The following FHIT variants were observed in gnomAD, a reference collection of about 807,000 sequenced individuals.
FHIT encodes the protein fragile histidine triad diadenosine triphosphatase.
Under a neutral mutation model 17.9 loss-of-function variants are expected in FHIT, and 19 were observed. That is an observed-to-expected ratio of 1.06 (90% confidence interval 0.74 to 1.56). The LOEUF is 1.56. Among genes scored for constraint, FHIT ranks in the 40% most tolerant of loss-of-function variants. The pLI, the probability that FHIT is intolerant of heterozygous loss-of-function variation, is 0.00. For synonymous variants in FHIT, 81 were observed against 69.7 expected, an observed-to-expected ratio of 1.16 and a Z score of -0.81; for missense variants, 248 against 189.2, an observed-to-expected ratio of 1.31 and a Z score of -1.82.
intron 5 of FHIT, among the ~76,000 whole-genome samples, chr3:60,108,908 C>T (rs921117025): frequency 6.6e-6 from 1 of 152,116 alleles, no homozygotes; most frequent in Non-Finnish European, 1.5e-5. Context: ...AGTGATCTGC[C>T]CACTTCAACC....
chr3:61,103,910 A>G (rs1432807909), intron 2 of FHIT, among the ~76,000 whole-genome samples: 1 of 125,208 alleles, frequency 8.0e-6, no homozygotes, highest in Non-Finnish European at 1.7e-5. Flanking sequence ...TTTTCTTTCC[A>G]TTTGTTTGGT....
chr3:60,086,853 A>ACTG (rs921314729), intron 5 of FHIT, among the ~76,000 whole-genome samples: 3 of 152,072 alleles, frequency 2.0e-5, no homozygotes, highest in Non-Finnish European at 4.4e-5. Context: ...GAGGTTACAC[A>ACTG]CTGCTGCTGC....
intron 7 of FHIT, among the ~76,000 whole-genome samples, chr3:59,993,393 A>C (rs1018584532): frequency 6.6e-6 from 1 of 152,086 alleles, no homozygotes; most frequent in East Asian, 1.9e-4. Context: ...CTGTATTAAA[A>C]CAGTGGTATG....
chr3:60,208,387 AATTC>A (rs1224200479), intron 5 of FHIT, among the ~76,000 whole-genome samples: 26 of 152,338 alleles, frequency 1.7e-4, no homozygotes, highest in Admixed American at 4.6e-4. Flanking sequence ...CCAAATTGTA[AATTC>A]ATTTTCTGAA....
chr3:60,565,907 A>G (rs1221914456), intron 4 of FHIT, among the ~76,000 whole-genome samples: 1 of 152,098 alleles, frequency 6.6e-6, no homozygotes, highest in Non-Finnish European at 1.5e-5. Flanking sequence ...TAGTGCTATA[A>G]ATTTCCCTCT....
intron 4 of FHIT, among the ~76,000 whole-genome samples, chr3:60,687,088 T>C (rs1735452): frequency 0.92 from 139,935 of 152,320 alleles, 64,344 homozygotes; most frequent in Non-Finnish European, 0.94. Context: ...ATATTTACAA[T>C]GTTAACGTTA....
In FHIT at chr3:60,484,242, C is replaced by G. The variant is rs186129684; in HGVS notation, c.103+52618G>C. ...AATCAGTATCATGAAAATGGCCATA[C>G]TGCCCAAAGTAATTTACAGATTCAA... On this transcript the variant is annotated intron_variant, in intron 5 of 9. Transcript: ENST00000492590. Among the ~76,000 whole-genome samples the G allele has an allele frequency of 4.2e-4, 64 of 152,348 alleles. 1 individual carries two copies. The East Asian group carries it at 0.012, about 28-fold the overall frequency.
chr3:60,311,084 C>G (rs1471912349), intron 5 of FHIT, among the ~76,000 whole-genome samples: 1 of 152,106 alleles, frequency 6.6e-6, no homozygotes, highest in Admixed American at 6.6e-5. Flanking sequence ...GTCAATTAAC[C>G]CAACGTCATC....
intron 4 of FHIT, among the ~76,000 whole-genome samples, chr3:60,753,127 G>T (rs574999422): frequency 6.6e-6 from 1 of 152,272 alleles, no homozygotes; most frequent in East Asian, 1.9e-4. Context: ...AAGGTGAGTT[G>T]CAGGCATTCA....
intron 5 of FHIT, among the ~76,000 whole-genome samples, chr3:60,474,125 C>T (rs2107456049): frequency 6.6e-6 from 1 of 152,234 alleles, no homozygotes; most frequent in South Asian, 2.1e-4. Flanking sequence ...TCTGCTTACC[C>T]AGCAATCAAG....
intron 5 of FHIT, among the ~76,000 whole-genome samples, chr3:60,060,636 T>C (rs889094412): frequency 3.3e-5 from 5 of 152,190 alleles, no homozygotes; most frequent in Non-Finnish European, 7.3e-5. Context: ...AGCAGCTTAG[T>C]AGGAGAAAAA....
At chr3:60,319,298 A>T (rs1018042109) in intron 5 of FHIT, among the ~76,000 whole-genome samples, 2 of 152,046 alleles carry the variant, frequency 1.3e-5, no homozygotes, top group Admixed American at 6.6e-5. Flanking sequence ...CCCTCACTCT[A>T]CAGGAGTTGG....
intron 8 of FHIT, among the ~76,000 whole-genome samples, chr3:59,895,796 T>C (rs1704043826): frequency 6.6e-6 from 1 of 152,230 alleles, no homozygotes; most frequent in South Asian, 2.1e-4. Context: ...ACATCCCTCT[T>C]GTGTTTAAAA....
At chr3:59,800,821 C>T (rs952878302) in intron 8 of FHIT, among the ~76,000 whole-genome samples, 7 of 151,764 alleles carry the variant, frequency 4.6e-5, no homozygotes, top group Non-Finnish European at 7.4e-5. Flanking sequence ...CACAACAGGA[C>T]AGGAGTGCAG....
chr3:60,424,995 T>C (rs1001971865), intron 5 of FHIT, among the ~76,000 whole-genome samples: 3 of 152,102 alleles, frequency 2.0e-5, no homozygotes, highest in African/African-American at 7.2e-5. Context: ...GCACATACTT[T>C]TGCAATAAGC....
chr3:60,040,113 T>TCACC (rs1439082880), intron 5 of FHIT, among the ~76,000 whole-genome samples: 15 of 152,064 alleles, frequency 9.9e-5, no homozygotes, highest in Non-Finnish European at 1.8e-4. Flanking sequence ...AAAATTGATG[T>TCACC]CACCTAATGA....
At chr3:61,071,040 T>A (rs1201951038) in intron 2 of FHIT, among the ~76,000 whole-genome samples, 1 of 152,196 alleles carries the variant, frequency 6.6e-6, no homozygotes, top group Admixed American at 6.5e-5. Context: ...AAATATGATT[T>A]CAGTACAAGT....
At chr3:60,209,759 A>G (rs1252367239) in intron 5 of FHIT, among the ~76,000 whole-genome samples, 2 of 152,196 alleles carry the variant, frequency 1.3e-5, no homozygotes, top group Non-Finnish European at 2.9e-5. Flanking sequence ...CAGCCATAAA[A>G]AGGAATGAGA....
intron 7 of FHIT, among the ~76,000 whole-genome samples, chr3:59,933,442 C>T (rs542987702): frequency 6.6e-5 from 10 of 152,082 alleles, no homozygotes; most frequent in Admixed American, 1.3e-4. Flanking sequence ...ACATCCTCAC[C>T]AAAACACTAA....
Sources: gnomAD v4.1 joint callset for allele counts (sites outside exome capture counted in the v4.1 genomes callset) on GRCh38, gnomAD v4.1.1 for gene constraint, MANE v1.5 for transcripts, NCBI Gene and HGNC (gene_info 2026-07-23, HGNC 2026-07-21) for gene names.